Variants in GPR89B observed in about 807,000 individuals in gnomAD.
The protein encoded by GPR89B is golgi pH regulator B.
A neutral mutation model predicts 52.4 loss-of-function variants in GPR89B; 25 were observed. The observed-to-expected ratio is 0.48, with a 90% confidence interval of 0.35 to 0.67. The LOEUF (loss-of-function observed/expected upper bound fraction) is 0.67, where lower values mean the gene tolerates loss of function less well. Ranked by LOEUF, GPR89B falls within the 30% of genes least tolerant of loss-of-function variation. GPR89B has a pLI of 0.01. For synonymous variants in GPR89B, 52 were observed against 151.2 expected, an observed-to-expected ratio of 0.34 and a Z score of 4.81; for missense variants, 146 against 450.2, an observed-to-expected ratio of 0.32 and a Z score of 6.11.
chr1:147,983,925 C>A (rs1286243329), intron 10 of GPR89B, among the ~76,000 whole-genome samples: 142 of 152,036 alleles, frequency 9.3e-4, no homozygotes, highest in Middle Eastern at 3.4e-3. Flanking sequence ...TTGGAACCAA[C>A]CCAAATGTCC....
chr1:147,944,888 T>A (rs1484537864), intron 5 of GPR89B, among the ~76,000 whole-genome samples: 1 of 151,816 alleles, frequency 6.6e-6, no homozygotes, highest in Non-Finnish European at 1.5e-5. Flanking sequence ...GCTGGAACCT[T>A]TTTAAAAATA....
chr1:148,004,623 C>A, the GPR89B span, among the ~76,000 whole-genome samples: 4 of 115,614 alleles, frequency 3.5e-5, no homozygotes, highest in African/African-American at 1.3e-4. Flanking sequence ...AGTAAGGGTC[C>A]ACGTCAAAAA....
intron 10 of GPR89B, among the ~76,000 whole-genome samples, chr1:147,973,519 A>T (rs1313938476): frequency 3.3e-5 from 5 of 150,830 alleles, no homozygotes; most frequent in South Asian, 2.1e-4. Flanking sequence ...GGGTTGTTTG[A>T]TTTTTTTCTT....
At chr1:147,996,232 G>A (rs1320995670), downstream of GPR89B, among the ~76,000 whole-genome samples, 14,737 of 151,074 alleles carry the variant, frequency 0.098, 969 homozygotes, top group Non-Finnish European at 0.14. Flanking sequence ...ATGCACAGAA[G>A]CAAACAAATA....
the GPR89B span, among the ~76,000 whole-genome samples, chr1:148,015,623 T>TGTTTG: frequency 7.0e-6 from 1 of 142,462 alleles, no homozygotes; most frequent in Non-Finnish European, 1.6e-5. Flanking sequence ...CTTCTCTCTA[T>TGTTTG]TTTGTTTGTT....
chr1:147,970,291 T>C (rs1657320252), intron 10 of GPR89B, among the ~76,000 whole-genome samples: 1 of 151,930 alleles, frequency 6.6e-6, no homozygotes, highest in African/African-American at 2.4e-5. Context: ...AGGTCAGGAA[T>C]TCGAGAACAG....
At chr1:147,998,784 G>C in the GPR89B span, among the ~76,000 whole-genome samples, 1 of 151,334 alleles carries the variant, frequency 6.6e-6, no homozygotes, top group Non-Finnish European at 1.5e-5. Flanking sequence ...GAGAGACTGA[G>C]GCAGGAGACT....
the GPR89B span, among the ~76,000 whole-genome samples, chr1:148,005,209 A>AT: frequency 1.1e-5 from 1 of 93,008 alleles, no homozygotes; most frequent in Non-Finnish European, 2.1e-5. Context: ...AACACTGCTT[A>AT]TACCACTAGT....
chr1:148,013,206 ATAGAAGAGCCACAG>A, the GPR89B span, among the ~76,000 whole-genome samples: 1 of 152,096 alleles, frequency 6.6e-6, no homozygotes, highest in Admixed American at 6.5e-5. Flanking sequence ...GGACACCAGG[ATAGAAGAGCCACAG>A]TAGAAGAGAG....
chr1:147,952,668 A>G lies in GPR89B; in HGVS notation c.416-677A>G, dbSNP rs587642331. Among the ~76,000 whole-genome samples, 615 of 152,190 alleles carry G rather than the reference A, an allele frequency of 4.0e-3. 8 individuals are homozygous for G. The highest frequency in any genetic ancestry group is 0.014 in the African/African-American group (579 of 41,426). On this transcript the variant is annotated intron_variant, in intron 5 of 13. Coordinates refer to ENST00000314163, the MANE Select transcript of GPR89B (RefSeq NM_016334.5). Reference sequence around the variant, plus strand: ...TGCCAAACTTACTGAGTTATTCTTCAGCATTGGCTTTCTCTCATTTATCCC... The same window carrying G: ...TGCCAAACTTACTGAGTTATTCTTCGGCATTGGCTTTCTCTCATTTATCCC...
At chr1:148,009,570 CTCTT>C in the GPR89B span, 3 of 1,530,290 alleles carry the variant, frequency 2.0e-6, no homozygotes, top group Non-Finnish European at 2.7e-6. Flanking sequence ...TGAATTCCCA[CTCTT>C]TCTGACCAGA....
chr1:147,962,334 G>T (rs1656641741), intron 7 of GPR89B, among the ~76,000 whole-genome samples: 1 of 150,738 alleles, frequency 6.6e-6, no homozygotes, highest in South Asian at 2.1e-4. Flanking sequence ...TGAGACAGAA[G>T]AATTGCTTGA....
intron 10 of GPR89B, among the ~76,000 whole-genome samples, chr1:147,981,318 G>GAC (rs1189035337): frequency 0.014 from 2,054 of 149,238 alleles, 71 homozygotes; most frequent in African/African-American, 0.048. Context: ...CTCCCTCCCC[G>GAC]ACACACACAC....
intron 10 of GPR89B, among the ~76,000 whole-genome samples, chr1:147,971,509 C>G (rs1657469021): frequency 7.9e-6 from 1 of 125,926 alleles, no homozygotes; most frequent in Non-Finnish European, 1.6e-5. Flanking sequence ...GAGTCTCTCT[C>G]TGTCTCCCAG....
At chr1:148,006,779 C>A in the GPR89B span, among the ~76,000 whole-genome samples, 2 of 151,644 alleles carry the variant, frequency 1.3e-5, no homozygotes, top group Non-Finnish European at 2.9e-5. Flanking sequence ...CGCAGGGCCG[C>A]AATCTTGGCT....
At position 147,953,349 on chromosome 1, in the gene GPR89B, CT is replaced by C. The variant is rs1193427491; in HGVS notation, c.422del (p.Leu141TyrfsTer3). ...AATGTGCCTTGATGTTTTTAGGGATCTTATCCATAGAACAGCTCATCAGCCG... is the reference window on the plus strand; with the variant it reads ...AATGTGCCTTGATGTTTTTAGGGATCTATCCATAGAACAGCTCATCAGCCG... The part of the protein sequence containing the change: ...FPILSPKHGI[L>X]SIEQLISRVG... On this transcript the variant is annotated frameshift_variant, in exon 6 of 14. Coordinates refer to ENST00000314163, the MANE Select transcript of GPR89B (RefSeq NM_016334.5). LOFTEE classifies it high-confidence loss of function. 27 of 669,434 alleles carry C rather than the reference CT, an allele frequency of 4.0e-5. No homozygotes were observed. The highest frequency in any genetic ancestry group is 5.3e-5 in the Non-Finnish European group (22 of 416,438). 41.5% of individuals were successfully genotyped at this position (669,434 alleles called of 1,614,324 possible).
At chr1:148,020,876 C>T in the GPR89B span, among the ~76,000 whole-genome samples, 1 of 151,506 alleles carries the variant, frequency 6.6e-6, no homozygotes, top group Non-Finnish European at 1.5e-5. Context: ...TCAGTAGAGA[C>T]GGGGTTTCAC....
intron 1 of GPR89B, among the ~76,000 whole-genome samples, chr1:147,935,702 C>G (rs1407079157): frequency 9.9e-5 from 15 of 152,050 alleles, no homozygotes; most frequent in Admixed American, 2.6e-4. Context: ...GTCTCAACTC[C>G]TCTCCCCTGA....
At chr1:147,947,905 T>C (rs587607685) in intron 5 of GPR89B, among the ~76,000 whole-genome samples, 2 of 151,980 alleles carry the variant, frequency 1.3e-5, no homozygotes, top group African/African-American at 4.8e-5. Context: ...ATAACAGAAT[T>C]TAGGTGAGGA....
Sources: allele counts gnomAD v4.1 joint callset (sites outside exome capture counted in the v4.1 genomes callset), GRCh38; gene constraint gnomAD v4.1.1; transcripts MANE v1.5; gene names NCBI Gene and HGNC (gene_info 2026-07-23, HGNC 2026-07-21).